DISP2: variants seen among roughly 807,000 people sequenced by gnomAD.
The protein encoded by DISP2 is dispatched RND transporter family member 2, also known as protein dispatched homolog 2.
In DISP2, 59 loss-of-function variants were observed where a neutral mutation model predicts 95.5. The observed-to-expected ratio is 0.62, with a 90% CI of 0.50 to 0.77. DISP2 has a LOEUF of 0.77. DISP2 is among the 30% of genes least tolerant of loss of function. The pLI, the probability that DISP2 is intolerant of heterozygous loss-of-function variation, is 0.00. For synonymous variants in DISP2, 827 were observed against 815.0 expected, an observed-to-expected ratio of 1.01 and a Z score of -0.25; for missense variants, 1,752 against 1,854.6, an observed-to-expected ratio of 0.94 and a Z score of 1.02.
intron 3 of DISP2, 79 bp downstream of exon 3, chr15:40,364,334 C>CT: frequency 1.2e-6 from 2 of 1,613,386 alleles, no homozygotes. Flanking sequence ...GCTCTCTGCT[C>CT]TATCTAGCAC....
In DISP2 at chr15:40,378,262, T is replaced by C. The variant is rs76136129; in HGVS notation, c.*7944T>C. Reference sequence around the variant, plus strand: ...ATGTACTAAGTAGAGACTAGGAAGATATTTTTAAATACCCACTTTGAATTT... The same window carrying C: ...ATGTACTAAGTAGAGACTAGGAAGACATTTTTAAATACCCACTTTGAATTT... On this transcript the variant is annotated 3_prime_UTR_variant, in exon 8 of 8. Coordinates refer to ENST00000267889, the MANE Select transcript of DISP2 (RefSeq NM_033510.3). 2.6e-3 allele frequency: 398 copies of C among 152,190 alleles called. No homozygotes were observed. Among genetic ancestry groups the C allele is most frequent in the African/African-American group, 9.4e-3 (388 of 41,440 alleles). 9.4% of individuals were successfully genotyped at this position (152,190 alleles called of 1,614,324 possible).
At chr15:40,365,402 AGGAAGCCGG>A in intron 6 of DISP2, 128 bp downstream of exon 6, 1 of 1,472,796 alleles carries the variant, frequency 6.8e-7, no homozygotes, top group Non-Finnish European at 9.1e-7. Flanking sequence ...AGTCAAGCCA[AGGAAGCCGG>A]GTTACAGCTG....
rs1889538671 is a variant in DISP2 at position 40,368,021 on chromosome 15, C to T, written c.1909C>T (p.Leu637=). 1.3e-6 allele frequency: 2 copies of T among 1,533,800 alleles called. No homozygotes were observed. The highest frequency in any genetic ancestry group is 1.7e-6 in the Non-Finnish European group (2 of 1,146,034). The change falls in exon 8 of 8, where the codon CTG becomes TTG. Residue 637 remains leucine (L), a synonymous_variant. Coordinates refer to ENST00000267889, the MANE Select transcript of DISP2 (RefSeq NM_033510.3). ...LVHLALTLVW[L]PASAVLHERY... is the part of the protein sequence containing the mutation. ...GCACCTGGCGCTCACGCTGGTCTGG[C>T]TGCCCGCCTCCGCCGTGCTCCACGA...
chr15:40,368,040 T>A lies in DISP2; in HGVS notation c.1928T>A (p.Leu643His). 6.5e-7 allele frequency: 1 copy of A among 1,527,978 alleles called. No individual in the cohort carries two copies. Among genetic ancestry groups the A allele is most frequent in the Non-Finnish European group, 8.7e-7 (1 of 1,142,902 alleles). 94.7% of individuals were successfully genotyped at this position (1,527,978 alleles called of 1,614,324 possible). A position where few individuals can be genotyped will look rare whatever the true frequency, so the allele number is the denominator to read the frequency against. ...GTCTGGCTGCCCGCCTCCGCCGTGC[T>A]CCACGAGCGCTACCTGGCGCGCGGC... ...TLVWLPASAV[L>H]HERYLARGCA... Residue 643 changes from leucine (L) to histidine (H), a missense_variant, in exon 8 of 8, where the codon CTC becomes CAC. Around this residue, in one of 5 missense-constraint regions of DISP2, gnomAD observed 732 missense variants for 714.6 expected, o/e 1.02. Transcript: ENST00000267889.
Position 40,363,845 on chromosome 15 carries a change from C to CG in DISP2, c.343dup (p.Ala115GlyfsTer53). The stretch of plus-strand genomic sequence containing the variant: ...CAGTTCCCTGCCAGGACTTGGGGAT[C>CG]GGGCAGCTCTCTGCTCCCACGGCTC... On this transcript the variant is annotated frameshift_variant, in exon 2 of 8. Transcript: ENST00000267889. LOFTEE classifies it high-confidence loss of function. 1.2e-6 allele frequency: 2 copies of CG among 1,610,590 alleles called. No individual in the cohort carries two copies. The highest frequency in any genetic ancestry group is 1.7e-6 in the Non-Finnish European group (2 of 1,177,666).
chr15:40,358,532 T>G (rs1246313673), intron 1 of DISP2, 92 bp downstream of exon 1: 2 of 965,256 alleles, frequency 2.1e-6, no homozygotes, highest in Non-Finnish European at 2.7e-6. Context: ...TGTTGCCCCA[T>G]TCATTCCCCA....
At position 40,375,841 on chromosome 15, in the gene DISP2, C is replaced by G. The variant is rs984056710; in HGVS notation, c.*5523C>G. The G allele has an allele frequency of 6.6e-6, 1 of 152,256 alleles. No homozygotes were observed. Among genetic ancestry groups the G allele is most frequent in the Non-Finnish European group, 1.5e-5 (1 of 68,048 alleles). 9.4% of individuals were successfully genotyped at this position (152,256 alleles called of 1,614,324 possible). A position where few individuals can be genotyped will look rare whatever the true frequency, so the allele number is the denominator to read the frequency against. On this transcript the variant is annotated 3_prime_UTR_variant, in exon 8 of 8. Transcript: ENST00000267889. ...GCCGCCTTCTCCATATGTTCCCCTC[C>G]TTATATTGGTGGGCCTAAGAAGCCA...
In DISP2 at chr15:40,369,013, G is replaced by A; in HGVS notation, c.2901G>A (p.Val967=). Residue 967 remains valine, a synonymous_variant, in exon 8 of 8, where the codon GTG becomes GTA. Coordinates refer to ENST00000267889, the MANE Select transcript of DISP2 (RefSeq NM_033510.3). ...GCCTGAGCACTGAGCCTGCTGTGGT[G>A]CTGGGCCTGGCTTTGGCGCTGGCCT... is the stretch of plus-strand genomic sequence containing the variant. ...QHSLSTEPAV[V]LGLALALAFA... is the part of the protein sequence containing the mutation. The A allele has an allele frequency of 6.2e-7, 1 of 1,613,998 alleles. No homozygotes were observed. Among genetic ancestry groups the A allele is most frequent in the Non-Finnish European group, 8.5e-7 (1 of 1,180,044 alleles).
In DISP2 at chr15:40,368,960, C is replaced by T. The variant is rs146554634; in HGVS notation, c.2848C>T (p.Arg950Cys). The change falls in exon 8 of 8, where the codon CGT becomes TGT. Residue 950 changes from arginine to cysteine, a missense_variant. Arg to Cys is a radical substitution (Grantham distance 180). Around this residue, in one of 5 missense-constraint regions of DISP2, gnomAD observed 317 missense variants for 394.9 expected, o/e 0.80. Coordinates refer to ENST00000267889, the MANE Select transcript of DISP2 (RefSeq NM_033510.3). ...PGLRRGWFTS[R>C]LELYSLQHSL... is the part of the protein sequence containing the mutation. The stretch of plus-strand genomic sequence containing the variant: ...CCTCCGCCGTGGTTGGTTCACTAGC[C>T]GTCTAGAGCTGTATAGCCTGCAGCA... The T allele has an allele frequency of 9.3e-6, 15 of 1,613,954 alleles. No homozygotes were observed. Among genetic ancestry groups the T allele is most frequent in the Admixed American group, 6.7e-5 (4 of 60,034 alleles).
chr15:40,368,219 C>A lies in DISP2; in HGVS notation c.2107C>A (p.Arg703Ser). ...GCTGCCCTGCGGCGTCATCAAGTTC[C>A]GCTACATCTGGATCTGCTGGTTCGC... ...RLLPCGVIKF[R>S]YIWICWFAAL... The change falls in exon 8 of 8, where the codon CGC becomes AGC. Residue 703 changes from arginine (R) to serine (S), a missense_variant. Arg to Ser is a moderately radical substitution (Grantham distance 110, BLOSUM62 -1). Coordinates refer to ENST00000267889, the MANE Select transcript of DISP2 (RefSeq NM_033510.3). 6.2e-7 allele frequency: 1 copy of A among 1,610,388 alleles called. No homozygotes were observed. Among genetic ancestry groups the A allele is most frequent in the South Asian group, 1.1e-5 (1 of 91,022 alleles).
At position 40,365,558 on chromosome 15, in the gene DISP2, A is replaced by G; in HGVS notation, c.848-70A>G. 6 of 1,554,148 alleles carry G rather than the reference A, an allele frequency of 3.9e-6. No individual in the cohort carries two copies. The Admixed American group carries it at 8.3e-5, about 22-fold the overall frequency. The stretch of plus-strand genomic sequence containing the variant: ...GAACCTCATGTGGCCCTGGGTAAGC[A>G]TCTTCCCTTTGGAGGACCCAGGACC... On this transcript the variant is annotated intron_variant, in intron 6 of 7. Transcript: ENST00000267889.
intron 1 of DISP2, among the ~76,000 whole-genome samples, chr15:40,359,897 C>G (rs1424542299): frequency 2.0e-5 from 3 of 150,738 alleles, no homozygotes; most frequent in Non-Finnish European, 4.4e-5. Context: ...TGAAATAGTT[C>G]ACACTTTGTG....
Position 40,363,902 on chromosome 15 carries a change from C to T in DISP2, c.397C>T (p.Arg133Cys), listed in dbSNP as rs150939222. ...SLSPSPAPSQ[R>C]DGTWKPPAVQ... is the part of the protein sequence containing the mutation. ...CAGCCCTTCTCCAGCCCCCTCACAG[C>T]GCGATGGGACCTGGAAGCCACCCGC... is the stretch of plus-strand genomic sequence containing the variant. The change falls in exon 2 of 8, where the codon CGC becomes TGC. Residue 133 changes from arginine (R) to cysteine (C), a missense_variant. Around this residue, in one of 5 missense-constraint regions of DISP2, gnomAD observed 342 missense variants for 364.3 expected, o/e 0.94. Transcript: ENST00000267889. The T allele has an allele frequency of 9.6e-5, 150 of 1,565,972 alleles. No homozygotes were observed. Among genetic ancestry groups the T allele is most frequent in the Non-Finnish European group, 1.2e-4 (134 of 1,153,668 alleles).
In DISP2 at chr15:40,367,156, C is replaced by T. The variant is rs1282521910; in HGVS notation, c.1044C>T (p.Ser348=). The change falls in exon 8 of 8, where the codon TCC becomes TCT. Residue 348 remains serine, a synonymous_variant. Coordinates refer to ENST00000267889, the MANE Select transcript of DISP2 (RefSeq NM_033510.3). The stretch of plus-strand genomic sequence containing the variant: ...TGGGCAACTATCTGGCTGTGCTCTC[C>T]AACCGCTCCTCCTGCCTGGACACTA... The part of the protein sequence containing the change: ...WSLGNYLAVL[S]NRSSCLDTTQ... 1 of 1,614,034 alleles carries T rather than the reference C, an allele frequency of 6.2e-7. No individual in the cohort carries two copies. The highest frequency in any genetic ancestry group is 1.3e-5 in the African/African-American group (1 of 75,000).
rs182429087 is a variant in DISP2 at position 40,374,061 on chromosome 15, G to A, written c.*3743G>A. ...AACTTGATATAGTCTGTTACCATGG[G>A]AAAACCATCCTTCCATGGCTGTGGT... On this transcript the variant is annotated 3_prime_UTR_variant, in exon 8 of 8. Coordinates refer to ENST00000267889, the MANE Select transcript of DISP2 (RefSeq NM_033510.3). The A allele has an allele frequency of 6.8e-6, 1 of 148,104 alleles. No individual in the cohort carries two copies. Among genetic ancestry groups the A allele is most frequent in the Non-Finnish European group, 1.5e-5 (1 of 67,162 alleles). 9.2% of individuals were successfully genotyped at this position (148,104 alleles called of 1,614,324 possible). A position where few individuals can be genotyped will look rare whatever the true frequency, so the allele number is the denominator to read the frequency against.
chr15:40,360,465 G>A (rs1244021526), intron 1 of DISP2, among the ~76,000 whole-genome samples: 3 of 152,152 alleles, frequency 2.0e-5, no homozygotes, highest in African/African-American at 7.2e-5. Context: ...ATTGATAATG[G>A]TGGGCACAGT....
In DISP2 at chr15:40,374,014, A is replaced by AAAAATATATATATATATATATAT; in HGVS notation, c.*3697_*3698insAAATATATATATATATATATATA. 2 of 104,194 alleles carry AAAAATATATATATATATATATAT rather than the reference A, an allele frequency of 1.9e-5. No homozygotes were observed. The highest frequency in any genetic ancestry group is 8.4e-5 in the African/African-American group (2 of 23,940). The allele number at this position is 104,194 out of a possible 1,614,324, so 6.5% of individuals were successfully genotyped here. A position where few individuals can be genotyped will look rare whatever the true frequency, so the allele number is the denominator to read the frequency against. On this transcript the variant is annotated 3_prime_UTR_variant, in exon 8 of 8. Coordinates refer to ENST00000267889, the MANE Select transcript of DISP2 (RefSeq NM_033510.3). ...GCGAGACTCCATCTTAAAAAAAAAA[A>AAAAATATATATATATATATATAT]ATATATATATATATATATGTAAACT... is the stretch of plus-strand genomic sequence containing the variant.
Position 40,368,390 on chromosome 15 carries a change from G to C in DISP2, c.2278G>C (p.Glu760Gln), listed in dbSNP as rs749340912. The C allele has an allele frequency of 3.8e-5, 61 of 1,607,670 alleles. No homozygotes were observed. The highest frequency in any genetic ancestry group is 4.6e-5 in the Non-Finnish European group (54 of 1,179,764). ...GGAGTATCGCCAGCTGTTCCTGTTC[G>C]AGCAGCTGCCGCAGGGCGAGGGCGG... is the stretch of plus-strand genomic sequence containing the variant. ...DAEYRQLFLF[E>Q]QLPQGEGGHM... The change falls in exon 8 of 8, where the codon GAG (glutamate) becomes CAG (glutamine). Residue 760 changes from glutamate (E) to glutamine (Q), a missense_variant. Physicochemically the swap from Glu to Gln is conservative, Grantham distance 29. Around this residue, in one of 5 missense-constraint regions of DISP2, gnomAD observed 732 missense variants for 714.6 expected, o/e 1.02. Coordinates refer to ENST00000267889, the MANE Select transcript of DISP2 (RefSeq NM_033510.3).
chr15:40,369,804 T>C lies in DISP2; in HGVS notation c.3692T>C (p.Leu1231Pro). The C allele has an allele frequency of 6.3e-7, 1 of 1,596,478 alleles. No homozygotes were observed. The highest frequency in any genetic ancestry group is 8.6e-7 in the Non-Finnish European group (1 of 1,169,440). ...HQAVFSQCPA[L>P]QTSSPYKQAG... ...GCAGTCTTCAGCCAGTGCCCTGCCC[T>C]GCAGACCTCCTCCCCCTATAAGCAG... Residue 1231 changes from leucine to proline, a missense_variant, in exon 8 of 8, where the codon CTG becomes CCG. Leu to Pro is a moderately conservative substitution (Grantham distance 98). Coordinates refer to ENST00000267889, the MANE Select transcript of DISP2 (RefSeq NM_033510.3).
Sources: gnomAD v4.1 joint callset for allele counts (sites outside exome capture counted in the v4.1 genomes callset) on GRCh38, gnomAD v4.1.1 for gene constraint, gnomAD v4.1.1 regional missense constraint, MANE v1.5 for transcripts, NCBI Gene and HGNC (gene_info 2026-07-23, HGNC 2026-07-21) for gene names.